MTG2: variants seen among roughly 807,000 people sequenced by gnomAD.
The protein encoded by MTG2 is mitochondrial ribosome-associated GTPase 2.
In MTG2, 23 loss-of-function variants were observed where a neutral mutation model predicts 28.6. The ratio of observed to expected loss-of-function variants is 0.80; its 90% CI spans 0.58 to 1.14. MTG2 has a LOEUF of 1.14. MTG2 is among the 50% of genes most tolerant of loss of function. MTG2 has a pLI of 0.00. For synonymous variants in MTG2, 260 were observed against 251.8 expected (o/e 1.03, Z -0.31); for missense variants, 539 against 552.0 (o/e 0.98, Z 0.24).
chr20:62,193,566 C>G lies in MTG2; in HGVS notation c.146C>G (p.Ala49Gly). 7 of 1,613,748 alleles carry G rather than the reference C, an allele frequency of 4.3e-6. No individual in the cohort carries two copies. Among genetic ancestry groups the G allele is most frequent in the Non-Finnish European group, 5.1e-6 (6 of 1,180,000 alleles). The change falls in exon 2 of 7, where the codon GCG becomes GGG. Residue 49 changes from alanine (A) to glycine (G), a missense_variant. Transcript: ENST00000370823. ...CCCAGGCTGCTCTCGGTCGGCCGTG[C>G]GGACCTCGCCAAGCATCAGGAACTC... Reference protein sequence around the residue: ...ASPRLLSVGRADLAKHQELPG... With the variant: ...ASPRLLSVGRGDLAKHQELPG...
intron 4 of MTG2, chr20:62,198,408 C>A: frequency 1.7e-6 from 1 of 594,580 alleles, no homozygotes; most frequent in Non-Finnish European, 3.0e-6. Context: ...TGAAAAAGCC[C>A]TTTGTGCAGT....
At chr20:62,200,602 C>T (rs1350326498) in intron 6 of MTG2, 81 bp from the exon 7 acceptor site, 2 of 1,488,130 alleles carry the variant, frequency 1.3e-6, no homozygotes, top group East Asian at 4.6e-5. Flanking sequence ...CAGGCCTTCT[C>T]TCCCAGGCTC....
rs1568780826 is a variant in MTG2, at chr20:62,186,533, T to TGG, written c.-6+3476_-6+3477insGG. Among the ~76,000 whole-genome samples the TGG allele has an allele frequency of 8.3e-5, 12 of 144,710 alleles. No individual in the cohort carries two copies. In the East Asian group the frequency reaches 1.6e-3, roughly 19 times the overall value. 94.9% of individuals were successfully genotyped at this position (144,710 alleles called of 152,430 possible). ...TCCCTGGGACTTTTTTTTTTGTTTTTTTTTTTTTTTTTTGAGATGGAGTCT... is the reference window on the plus strand; with the variant it reads ...TCCCTGGGACTTTTTTTTTTGTTTTTGGTTTTTTTTTTTTTGAGATGGAGTCT... On this transcript the variant is annotated intron_variant, in intron 1 of 6. Transcript: ENST00000370823.
chr20:62,196,016 A>G lies in MTG2; in HGVS notation c.352+67A>G, dbSNP rs1400972884. 4 of 1,575,528 alleles carry G rather than the reference A, an allele frequency of 2.5e-6. No homozygotes were observed. In the African/African-American group the frequency reaches 4.0e-5, roughly 16 times the overall value. ...CCGAGACTGCATGTGCATTTGAACTAAAAACCTGATGTATGGGCAGGCACA... is the reference window on the plus strand; with the variant it reads ...CCGAGACTGCATGTGCATTTGAACTGAAAACCTGATGTATGGGCAGGCACA... On this transcript the variant is annotated intron_variant, in intron 3 of 6. Coordinates refer to ENST00000370823, the MANE Select transcript of MTG2 (RefSeq NM_015666.4).
intron 4 of MTG2, 144 bp downstream of exon 4, chr20:62,198,111 A>G: frequency 1.5e-6 from 1 of 651,652 alleles, no homozygotes; most frequent in South Asian, 1.9e-5. Context: ...GCTGGCAGAC[A>G]GCGGGAAAGC....
rs769503072 is a variant in MTG2 at position 62,197,872 on chromosome 20, C to T, written c.373C>T (p.Leu125=). Residue 125 remains leucine (L), a synonymous_variant, in exon 4 of 7, where the codon CTG becomes TTG. Transcript: ENST00000370823. The part of the protein sequence containing the change: ...ILRVDQQVKS[L]SSVLSRYQGF... ...TTTAGTTGACCAGCAAGTCAAGTCC[C>T]TGTCGTCGGTCCTGTCGCGGTACCA... 6.2e-6 allele frequency: 10 copies of T among 1,614,200 alleles called. No individual in the cohort carries two copies. In the South Asian group the frequency reaches 1.1e-4, roughly 18 times the overall value.
chr20:62,201,405 G>A lies in MTG2; in HGVS notation c.*328G>A, dbSNP rs529709083. On this transcript the variant is annotated 3_prime_UTR_variant, in exon 7 of 7. Transcript: ENST00000370823. ...GCTGACTCAGGTCTCCGCCATGCACGCGTGGACTCTCGGATGAGCTCAGCA... is the reference window on the plus strand; with the variant it reads ...GCTGACTCAGGTCTCCGCCATGCACACGTGGACTCTCGGATGAGCTCAGCA... 16 of 336,760 alleles carry A rather than the reference G, an allele frequency of 4.8e-5. No individual in the cohort carries two copies. Among genetic ancestry groups the A allele is most frequent in the African/African-American group, 2.9e-4 (14 of 47,478 alleles). 20.9% of individuals were successfully genotyped at this position (336,760 alleles called of 1,614,324 possible).
chr20:62,185,425 TAAAA>T (rs1012505669), intron 1 of MTG2, among the ~76,000 whole-genome samples: 1 of 109,548 alleles, frequency 9.1e-6, no homozygotes, highest in African/African-American at 4.3e-5. Flanking sequence ...AAAATAAAAA[TAAAA>T]AATAAAAAAT....
At chr20:62,191,345 T>A (rs2057954875) in intron 1 of MTG2, among the ~76,000 whole-genome samples, 1 of 151,850 alleles carries the variant, frequency 6.6e-6, no homozygotes. Flanking sequence ...TCATGGCCAG[T>A]CTCAATGACA....
intron 2 of MTG2, 131 bp from the exon 3 acceptor site, chr20:62,195,671 A>G: frequency 1.8e-6 from 2 of 1,091,848 alleles, no homozygotes; most frequent in South Asian, 1.5e-5. Flanking sequence ...GTGATTAGCA[A>G]TATTAGTGTC....
intron 1 of MTG2, 44 bp downstream of exon 1, chr20:62,183,101 G>C (rs753806482): frequency 1.3e-5 from 2 of 151,996 alleles, no homozygotes; most frequent in Non-Finnish European, 2.9e-5. Context: ...CCTGGGGGGT[G>C]GTCGCGGCCC....
intron 1 of MTG2, among the ~76,000 whole-genome samples, chr20:62,185,276 G>T (rs1023495955): frequency 7.2e-5 from 11 of 152,116 alleles, no homozygotes; most frequent in African/African-American, 2.7e-4. Flanking sequence ...GCTGGGCGTG[G>T]TGGCATGCAG....
intron 4 of MTG2, 120 bp from the exon 5 acceptor site, chr20:62,198,514 G>A (rs562312255): frequency 4.6e-6 from 5 of 1,096,040 alleles, no homozygotes; most frequent in East Asian, 5.2e-5. Context: ...GGGGCGGGCA[G>A]CTGCCCGGGG....
intron 2 of MTG2, among the ~76,000 whole-genome samples, chr20:62,195,057 G>A (rs1045203699): frequency 2.0e-5 from 3 of 151,982 alleles, no homozygotes; most frequent in African/African-American, 7.2e-5. Context: ...CTAGCCGGGC[G>A]CAGTGGCGGG....
At chr20:62,183,973 C>T (rs57499832) in intron 1 of MTG2, among the ~76,000 whole-genome samples, 22,571 of 152,162 alleles carry the variant, frequency 0.15, 1,811 homozygotes, top group South Asian at 0.29. Flanking sequence ...CCAGGGAGGC[C>T]AGAGGATACT....
At chr20:62,187,830 TCTC>T (rs2057877638) in intron 1 of MTG2, among the ~76,000 whole-genome samples, 1 of 152,218 alleles carries the variant, frequency 6.6e-6, no homozygotes, top group African/African-American at 2.4e-5. Flanking sequence ...TCTGTATTAT[TCTC>T]CTCCTTCTAC....
chr20:62,191,644 CGTT>C (rs1357054730), intron 1 of MTG2, among the ~76,000 whole-genome samples: 3 of 152,190 alleles, frequency 2.0e-5, no homozygotes, highest in Admixed American at 6.5e-5. Flanking sequence ...GGTGTCCCCT[CGTT>C]GTGCTCCCGC....
In MTG2 at chr20:62,201,368, G is replaced by A. The variant is rs565451986; in HGVS notation, c.*291G>A. ...TAAGGGGTTGGGGTGCCCATAACGG[G>A]GTGGCCCTGCCGCTGACTCAGGTCT... is the stretch of plus-strand genomic sequence containing the variant. On this transcript the variant is annotated 3_prime_UTR_variant, in exon 7 of 7. Transcript: ENST00000370823. 5 of 427,688 alleles carry A rather than the reference G, an allele frequency of 1.2e-5. No individual in the cohort carries two copies. In the South Asian group the frequency reaches 1.3e-4, roughly 11 times the overall value. The allele number at this position is 427,688 out of a possible 1,614,324, so 26.5% of individuals were successfully genotyped here.
intron 3 of MTG2, 196 bp from the exon 4 acceptor site, chr20:62,197,656 A>C: frequency 1.8e-6 from 1 of 566,842 alleles, no homozygotes; most frequent in East Asian, 3.0e-5. Context: ...AAATTTTCAG[A>C]AATGATAGCA....
Sources: gnomAD v4.1 joint callset for allele counts (sites outside exome capture counted in the v4.1 genomes callset) on GRCh38, gnomAD v4.1.1 for gene constraint, MANE v1.5 for transcripts, NCBI Gene and HGNC (gene_info 2026-07-23, HGNC 2026-07-21) for gene names.